The following TTLL11 variants were observed in gnomAD, a reference collection of about 807,000 sequenced individuals.
TTLL11 encodes tubulin polyglutamylase TTLL11.
A neutral mutation model predicts 51.7 loss-of-function variants in TTLL11; 42 were observed. The ratio of observed to expected loss-of-function variants is 0.81; its 90% CI spans 0.64 to 1.05. The LOEUF is 1.05. Ranked by LOEUF, TTLL11 falls within the 50% of genes least tolerant of loss-of-function variation. The pLI, the probability that TTLL11 is intolerant of heterozygous loss-of-function variation, is 0.00. For missense variants in TTLL11, 799 were observed against 940.4 expected (o/e 0.85, Z 1.97); for synonymous variants, 381 against 383.5 (o/e 0.99, Z 0.08).
intron 6 of TTLL11, among the ~76,000 whole-genome samples, chr9:121,942,368 G>A (rs1841508707): frequency 6.6e-6 from 1 of 152,130 alleles, no homozygotes; most frequent in African/African-American, 2.4e-5. Context: ...AGTTTCCCAG[G>A]CACTAACACA....
At chr9:121,977,971 G>T (rs1000611582) in intron 4 of TTLL11, among the ~76,000 whole-genome samples, 1 of 151,946 alleles carries the variant, frequency 6.6e-6, no homozygotes, top group Non-Finnish European at 1.5e-5. Context: ...CACCGCGTCC[G>T]GCCCAGAAAA....
At chr9:122,083,538 A>G (rs1333903080) in intron 1 of TTLL11, among the ~76,000 whole-genome samples, 2 of 152,230 alleles carry the variant, frequency 1.3e-5, no homozygotes, top group Non-Finnish European at 2.9e-5. Context: ...TGGGCCAGGC[A>G]CGGTGGCTCA....
intron 3 of TTLL11, among the ~76,000 whole-genome samples, chr9:122,031,373 C>T (rs974725384): frequency 6.6e-6 from 1 of 152,194 alleles, no homozygotes; most frequent in African/African-American, 2.4e-5. Flanking sequence ...GGCGAGGCCA[C>T]GGCTCTAGGA....
chr9:122,009,771 G>A (rs1843747727), intron 3 of TTLL11, among the ~76,000 whole-genome samples: 1 of 151,666 alleles, frequency 6.6e-6, no homozygotes, highest in Admixed American at 6.6e-5. Context: ...TAAAACTATA[G>A]AATAATAGAG....
chr9:121,878,270 C>T (rs943053474), intron 6 of TTLL11, among the ~76,000 whole-genome samples: 2 of 152,138 alleles, frequency 1.3e-5, no homozygotes, highest in African/African-American at 4.8e-5. Context: ...CACAAAGCAT[C>T]AAGATGAATC....
Position 121,853,318 on chromosome 9 carries a change from A to G in TTLL11, c.1840+7019T>C, listed in dbSNP as rs1364426148. ...GGGGCAGATGTCCAGGCCCTTTCAC[A>G]GTACTCAATGTGTGCTGTGGTCAAG... On this transcript the variant is annotated intron_variant, in intron 8 of 8. Coordinates refer to ENST00000321582, the MANE Select transcript of TTLL11 (RefSeq NM_001139442.2). This position sits in a 1 kb window ranked among gnomAD's most constrained non-coding sequence, Gnocchi z 5.6. Among the ~76,000 whole-genome samples the G allele has an allele frequency of 6.6e-6, 1 of 152,078 alleles. No homozygotes were observed. The highest frequency in any genetic ancestry group is 1.5e-5 in the Non-Finnish European group (1 of 68,012).
chr9:121,894,200 C>T (rs921094395), intron 6 of TTLL11, among the ~76,000 whole-genome samples: 2 of 152,096 alleles, frequency 1.3e-5, no homozygotes, highest in African/African-American at 4.8e-5. Context: ...GCAGGAGACC[C>T]CTAAAAGAAG....
intron 1 of TTLL11, among the ~76,000 whole-genome samples, chr9:122,079,234 A>C (rs1845938813): frequency 6.6e-6 from 1 of 152,180 alleles, no homozygotes; most frequent in Admixed American, 6.5e-5. Context: ...CCCTGCCAAC[A>C]TGTACTATCT....
chr9:121,930,112 C>T (rs1840908760), intron 6 of TTLL11, among the ~76,000 whole-genome samples: 4 of 152,196 alleles, frequency 2.6e-5, no homozygotes, highest in African/African-American at 9.6e-5. Context: ...TTAAAGATGA[C>T]CCAATCAACT....
intron 8 of TTLL11, among the ~76,000 whole-genome samples, chr9:121,845,175 G>C (rs1024468993): frequency 6.6e-6 from 1 of 152,082 alleles, no homozygotes; most frequent in African/African-American, 2.4e-5. Flanking sequence ...CCTTAGGTAA[G>C]GTATATATAA....
intron 1 of TTLL11, among the ~76,000 whole-genome samples, chr9:122,043,217 G>T (rs1052418426): frequency 2.0e-5 from 3 of 152,090 alleles, no homozygotes; most frequent in African/African-American, 4.8e-5. Flanking sequence ...GCTCAATTTT[G>T]CTGTGAACCA....
intron 3 of TTLL11, among the ~76,000 whole-genome samples, chr9:122,003,169 G>A (rs1843529633): frequency 6.6e-6 from 1 of 152,052 alleles, no homozygotes; most frequent in African/African-American, 2.4e-5. Context: ...CAAGGTATGT[G>A]TTACTCAATA....
chr9:121,933,758 G>C (rs993650347), intron 6 of TTLL11, among the ~76,000 whole-genome samples: 1 of 152,146 alleles, frequency 6.6e-6, no homozygotes, highest in Non-Finnish European at 1.5e-5. Context: ...ATAAGACATA[G>C]TTGGATTTTC....
At chr9:121,919,790 T>C (rs928621614) in intron 6 of TTLL11, among the ~76,000 whole-genome samples, 7 of 136,296 alleles carry the variant, frequency 5.1e-5, no homozygotes, top group East Asian at 2.1e-4. Flanking sequence ...GAGGGAAGGA[T>C]CACTTGAGGC....
intron 8 of TTLL11, among the ~76,000 whole-genome samples, chr9:121,842,389 C>G (rs1253882713): frequency 6.6e-6 from 1 of 152,134 alleles, no homozygotes; most frequent in Non-Finnish European, 1.5e-5. Context: ...TTCTAAGTAA[C>G]CAGGATTATA....
At chr9:121,921,948 G>C (rs1044600221) in intron 6 of TTLL11, among the ~76,000 whole-genome samples, 1 of 152,222 alleles carries the variant, frequency 6.6e-6, no homozygotes, top group Non-Finnish European at 1.5e-5. Flanking sequence ...CGGGAAGCCT[G>C]ACACAGTCAC....
In TTLL11 at chr9:122,006,263, C is replaced by A. The variant is rs189643501; in HGVS notation, c.694-16493G>T. ...GGCTGAAGCAGAAGAATTGCTTGAT[C>A]CCAGGAGGCAGAGGCTGCAGTGAGC... On this transcript the variant is annotated intron_variant, in intron 3 of 8. Transcript: ENST00000321582. Among the ~76,000 whole-genome samples the A allele has an allele frequency of 4.9e-4, 75 of 151,860 alleles. No homozygotes were observed. In the Middle Eastern group the frequency reaches 0.01, roughly 21 times the overall value.
At chr9:122,088,674 ATGT>A (rs777420698) in intron 1 of TTLL11, among the ~76,000 whole-genome samples, 49 of 152,240 alleles carry the variant, frequency 3.2e-4, no homozygotes, top group Non-Finnish European at 4.4e-4. Flanking sequence ...ATTTATTATC[ATGT>A]TGTTGTTGTT....
At chr9:121,838,781 A>AAAGCAAGCAAGAAAGC (rs1837260403) in intron 8 of TTLL11, among the ~76,000 whole-genome samples, 1 of 139,898 alleles carries the variant, frequency 7.1e-6, no homozygotes. Flanking sequence ...AGCAAGCAAG[A>AAAGCAAGCAAGAAAGC]AAGCAAGCAA....
Sources: allele counts gnomAD v4.1 joint callset (sites outside exome capture counted in the v4.1 genomes callset), GRCh38; gene constraint gnomAD v4.1.1; non-coding constraint Gnocchi (gnomAD v3.1); transcripts MANE v1.5; gene names NCBI Gene and HGNC (gene_info 2026-07-23, HGNC 2026-07-21).